The following SORCS1 variants were observed in gnomAD, a reference collection of about 807,000 sequenced individuals.
The protein encoded by SORCS1 is VPS10 domain-containing receptor SorCS1.
SORCS1 carries 60 observed loss-of-function variants against 146.1 expected under a neutral mutation model. That is an observed-to-expected ratio of 0.41 (90% CI 0.33 to 0.51). The LOEUF (loss-of-function observed/expected upper bound fraction) is 0.51. Among genes scored for constraint, SORCS1 ranks in the 20% least tolerant of loss-of-function variants. SORCS1 has a pLI of 0.21. For synonymous variants in SORCS1, 637 were observed against 584.0 expected (o/e 1.09, Z -1.31); for missense variants, 1,352 against 1,487.6 (o/e 0.91, Z 1.50).
chr10:106,958,392 T>G (rs1955066037), intron 1 of SORCS1, among the ~76,000 whole-genome samples: 1 of 152,192 alleles, frequency 6.6e-6, no homozygotes, highest in Admixed American at 6.5e-5. Context: ...CATTCTAACC[T>G]TAAATTCCGG....
At chr10:107,114,470 A>G (rs1965894890) in intron 1 of SORCS1, among the ~76,000 whole-genome samples, 1 of 152,190 alleles carries the variant, frequency 6.6e-6, no homozygotes, top group South Asian at 2.1e-4. Flanking sequence ...CAAATCAATA[A>G]ATGTGATGCA....
intron 1 of SORCS1, among the ~76,000 whole-genome samples, chr10:107,145,586 C>G: frequency 6.6e-6 from 1 of 152,068 alleles, no homozygotes; most frequent in East Asian, 1.9e-4. Flanking sequence ...AACAATTGAG[C>G]ATAAATAAAA....
At chr10:106,992,829 T>A (rs1956825342) in intron 1 of SORCS1, among the ~76,000 whole-genome samples, 1 of 129,562 alleles carries the variant, frequency 7.7e-6, no homozygotes, top group African/African-American at 3.0e-5. Flanking sequence ...TTTCTTTCTT[T>A]TTTTTTTTTT....
chr10:107,145,978 A>T (rs547561393), intron 1 of SORCS1, among the ~76,000 whole-genome samples: 4 of 152,232 alleles, frequency 2.6e-5, no homozygotes, highest in African/African-American at 9.6e-5. Context: ...GTACACATAA[A>T]TTTTTTGTTT....
chr10:106,684,239 A>G (rs1170194835), intron 10 of SORCS1, among the ~76,000 whole-genome samples: 1 of 152,136 alleles, frequency 6.6e-6, no homozygotes, highest in Admixed American at 6.5e-5. Flanking sequence ...TCGGGAGGCC[A>G]AGGCAGGAGA....
chr10:106,616,948 CTTTCTT>C lies in SORCS1; in HGVS notation c.2920+1195_2920+1200del, dbSNP rs747511821. 3.1e-3 allele frequency among the ~76,000 whole-genome samples: 447 copies of C among 145,148 alleles called. 6 individuals carry two copies. Among genetic ancestry groups the C allele is most frequent in the African/African-American group, 7.7e-3 (305 of 39,748 alleles). Reference sequence around the variant, plus strand: ...CTAGGCTGTCTGTCTCTCTCTTGCTCTTTCTTTTTTTTTTTTTTCTTTCGAGATGGA... The same window carrying C: ...CTAGGCTGTCTGTCTCTCTCTTGCTCTTTTTTTTTTTTCTTTCGAGATGGA... On this transcript the variant is annotated intron_variant, in intron 21 of 25. Transcript: ENST00000263054.
intron 1 of SORCS1, among the ~76,000 whole-genome samples, chr10:106,990,365 G>A (rs953396545): frequency 6.6e-6 from 1 of 152,122 alleles, no homozygotes; most frequent in African/African-American, 2.4e-5. Flanking sequence ...CACCTCCTGG[G>A]TTCAAGTGAT....
chr10:106,586,203 G>T lies in SORCS1; in HGVS notation c.3266-6729C>A, dbSNP rs528147310. On this transcript the variant is annotated intron_variant, in intron 24 of 25. Transcript: ENST00000263054. Reference sequence around the variant, plus strand: ...CCACTCTCAGGGTGGCAGGGTAAAAGTAAGAAGACCATACATATTATTTTC... The same window carrying T: ...CCACTCTCAGGGTGGCAGGGTAAAATTAAGAAGACCATACATATTATTTTC... 5.3e-5 allele frequency among the ~76,000 whole-genome samples: 8 copies of T among 152,236 alleles called. No homozygotes were observed. The South Asian group carries it at 1.0e-3, about 20-fold the overall frequency.
chr10:106,999,920 T>C (rs1957148040), intron 1 of SORCS1, among the ~76,000 whole-genome samples: 1 of 147,474 alleles, frequency 6.8e-6, no homozygotes, highest in African/African-American at 2.7e-5. Context: ...CATGGTTTGT[T>C]GTTTGGAAAA....
intron 21 of SORCS1, among the ~76,000 whole-genome samples, chr10:106,614,404 ACT>A (rs1278905796): frequency 1.3e-4 from 20 of 152,318 alleles, no homozygotes. Flanking sequence ...GAAGACTCTG[ACT>A]TTATAAGGTA....
At chr10:106,895,090 C>G (rs1951414835) in intron 2 of SORCS1, among the ~76,000 whole-genome samples, 1 of 152,184 alleles carries the variant, frequency 6.6e-6, no homozygotes, top group Non-Finnish European at 1.5e-5. Context: ...CCTACTTCAT[C>G]TGTCAGATGA....
chr10:106,579,292 T>C, intron 25 of SORCS1, 77 bp downstream of exon 25: 2 of 1,614,028 alleles, frequency 1.2e-6, no homozygotes, highest in Non-Finnish European at 1.7e-6. Context: ...TGCACATCAC[T>C]GTAACACATG....
intron 2 of SORCS1, among the ~76,000 whole-genome samples, chr10:106,937,309 T>C (rs1953780292): frequency 6.6e-6 from 1 of 151,700 alleles, no homozygotes; most frequent in Non-Finnish European, 1.5e-5. Context: ...AGCTGGGATT[T>C]ACAGGTGCCC....
intron 2 of SORCS1, among the ~76,000 whole-genome samples, chr10:106,870,631 C>T (rs984967803): frequency 1.3e-5 from 2 of 152,138 alleles, no homozygotes; most frequent in Non-Finnish European, 1.5e-5. Flanking sequence ...AACTGGCTAA[C>T]CATATGCAGA....
chr10:106,968,330 T>A (rs1312162266), intron 1 of SORCS1, among the ~76,000 whole-genome samples: 1 of 152,230 alleles, frequency 6.6e-6, no homozygotes, highest in African/African-American at 2.4e-5. Flanking sequence ...GATGTGATGA[T>A]CTGAGAAAGA....
chr10:107,008,547 T>C (rs1183453605), intron 1 of SORCS1, among the ~76,000 whole-genome samples: 2 of 152,168 alleles, frequency 1.3e-5, no homozygotes, highest in Admixed American at 6.5e-5. Context: ...TTGAAATAAG[T>C]AGATTGATGA....
chr10:106,579,522 G>A (rs948835765), intron 24 of SORCS1, 48 bp from the exon 25 acceptor site: 20 of 1,589,968 alleles, frequency 1.3e-5, no homozygotes, highest in African/African-American at 5.4e-5. Flanking sequence ...AACTGGGCAG[G>A]TGAGACTCTA....
chr10:106,764,905 C>T (rs2136279613), intron 4 of SORCS1, among the ~76,000 whole-genome samples: 1 of 151,740 alleles, frequency 6.6e-6, no homozygotes, highest in South Asian at 2.1e-4. Flanking sequence ...TGCCTGTAGT[C>T]CCAGCTACTC....
the SORCS1 span, among the ~76,000 whole-genome samples, chr10:107,176,557 C>G: frequency 6.6e-6 from 1 of 152,002 alleles, no homozygotes; most frequent in African/African-American, 2.4e-5. Context: ...CTAGGCTGGT[C>G]TTCAACTCCT....
Sources: allele counts gnomAD v4.1 joint callset (sites outside exome capture counted in the v4.1 genomes callset), GRCh38; gene constraint gnomAD v4.1.1; transcripts MANE v1.5; gene names NCBI Gene and HGNC (gene_info 2026-07-23, HGNC 2026-07-21).